The following SLC9C1 variants were observed in gnomAD, a reference collection of about 807,000 sequenced individuals.
SLC9C1 encodes solute carrier family 9 member C1, also known as sodium/hydrogen exchanger 10.
A neutral mutation model predicts 140.9 loss-of-function variants in SLC9C1; 97 were observed. That is an observed-to-expected ratio of 0.69 (90% CI 0.58 to 0.82). The LOEUF (loss-of-function observed/expected upper bound fraction) is 0.82. Ranked by LOEUF, SLC9C1 falls within the 40% of genes least tolerant of loss-of-function variation. SLC9C1 has a pLI of 0.00. For synonymous variants in SLC9C1, 440 were observed against 442.6 expected (o/e 0.99, Z 0.07); for missense variants, 1,340 against 1,389.3 (o/e 0.96, Z 0.56).
At chr3:112,288,007 C>A (rs1161827401) in intron 1 of SLC9C1, among the ~76,000 whole-genome samples, 3 of 124,596 alleles carry the variant, frequency 2.4e-5, no homozygotes, top group Non-Finnish European at 4.8e-5. Flanking sequence ...CGTGCCACTG[C>A]ACTCCAGCTT....
At chr3:112,215,127 G>A (rs1203693369) in intron 15 of SLC9C1, among the ~76,000 whole-genome samples, 1 of 152,164 alleles carries the variant, frequency 6.6e-6, no homozygotes, top group African/African-American at 2.4e-5. Flanking sequence ...TATCTCAATA[G>A]ATGCAGAAAA....
At chr3:112,238,718 T>A (rs2079060037) in intron 12 of SLC9C1, among the ~76,000 whole-genome samples, 1 of 152,116 alleles carries the variant, frequency 6.6e-6, no homozygotes, top group Admixed American at 6.6e-5. Context: ...TTGCTGGAGG[T>A]CCACTCCAGA....
intron 13 of SLC9C1, among the ~76,000 whole-genome samples, chr3:112,229,965 T>C (rs2078777945): frequency 6.6e-6 from 1 of 152,168 alleles, no homozygotes; most frequent in African/African-American, 2.4e-5. Context: ...ATATAGCAGA[T>C]TATATATACT....
chr3:112,257,397 A>G (rs2079638599), intron 10 of SLC9C1, among the ~76,000 whole-genome samples: 1 of 152,134 alleles, frequency 6.6e-6, no homozygotes, highest in Non-Finnish European at 1.5e-5. Context: ...ATAAGGCTGC[A>G]CACCTACAAC....
chr3:112,217,583 T>G lies in SLC9C1; in HGVS notation c.1671-22A>C, dbSNP rs556240291. The G allele has an allele frequency of 2.6e-6, 4 of 1,554,014 alleles. No homozygotes were observed. The South Asian group carries it at 4.9e-5, about 19-fold the overall frequency. On this transcript the variant is annotated intron_variant, in intron 14 of 28. Coordinates refer to ENST00000305815, the MANE Select transcript of SLC9C1 (RefSeq NM_183061.3). ...ACATCTAGAAAAAGAGAGAAATCTTTAAACATGCTTTAAACATTTTGAGAT... is the reference window on the plus strand; with the variant it reads ...ACATCTAGAAAAAGAGAGAAATCTTGAAACATGCTTTAAACATTTTGAGAT...
intron 20 of SLC9C1, among the ~76,000 whole-genome samples, chr3:112,186,947 A>G (rs566450710): frequency 6.6e-6 from 1 of 152,206 alleles, no homozygotes; most frequent in African/African-American, 2.4e-5. Flanking sequence ...GGCATTCTAA[A>G]TGGCATTGCT....
intron 12 of SLC9C1, among the ~76,000 whole-genome samples, chr3:112,234,326 G>A (rs1267062768): frequency 6.6e-6 from 1 of 151,798 alleles, no homozygotes; most frequent in Non-Finnish European, 1.5e-5. Context: ...TTTTGATGGG[G>A]TTGTTTTTAC....
chr3:112,213,013 A>G (rs1425433937), intron 15 of SLC9C1, among the ~76,000 whole-genome samples: 1 of 152,262 alleles, frequency 6.6e-6, no homozygotes, highest in Non-Finnish European at 1.5e-5. Context: ...ATCTCTCAGC[A>G]GAAACTCTAC....
At chr3:112,169,434 T>A in intron 23 of SLC9C1, 106 bp from the exon 24 acceptor site, 1 of 1,069,014 alleles carries the variant, frequency 9.4e-7, no homozygotes, top group South Asian at 2.3e-5. Flanking sequence ...TTTAATTAGG[T>A]AAGATTCACA....
At chr3:112,148,808 T>A (rs540371881) in intron 28 of SLC9C1, among the ~76,000 whole-genome samples, 93 of 152,312 alleles carry the variant, frequency 6.1e-4, no homozygotes, top group Non-Finnish European at 1.1e-3. Context: ...GGCAGGTCTG[T>A]CTGCAGGTCT....
chr3:112,266,055 G>T (rs4682097), intron 8 of SLC9C1, among the ~76,000 whole-genome samples, 183 bp downstream of exon 8: 89,836 of 151,748 alleles, frequency 0.59, 27,106 homozygotes, highest in East Asian at 0.79. Flanking sequence ...TTACGAATTT[G>T]CTTTAAATTG....
In SLC9C1 at chr3:112,169,146, A is replaced by G. The variant is rs772601922; in HGVS notation, c.3051+51T>C. ...ATAAATAGTCAATTATAATGTTTTA[A>G]TGCCATTCCATTCAAAGAAAGAAAG... On this transcript the variant is annotated intron_variant, in intron 24 of 28. Transcript: ENST00000305815. 1.4e-5 allele frequency: 22 copies of G among 1,595,352 alleles called. No homozygotes were observed. The Admixed American group carries it at 3.9e-4, about 28-fold the overall frequency.
intron 2 of SLC9C1, among the ~76,000 whole-genome samples, chr3:112,281,202 A>C (rs912703837): frequency 4.6e-5 from 7 of 152,200 alleles, no homozygotes; most frequent in Non-Finnish European, 1.0e-4. Flanking sequence ...CTAGTTGTGG[A>C]ATAGTGGGTT....
At chr3:112,273,572 G>A (rs1245616770) in intron 6 of SLC9C1, among the ~76,000 whole-genome samples, 1 of 152,104 alleles carries the variant, frequency 6.6e-6, no homozygotes, top group African/African-American at 2.4e-5. Context: ...AGGGGTGAGG[G>A]GGTGGTGGTC....
chr3:112,254,801 C>T (rs1203230545), intron 10 of SLC9C1, among the ~76,000 whole-genome samples: 1 of 152,086 alleles, frequency 6.6e-6, no homozygotes, highest in Admixed American at 6.6e-5. Flanking sequence ...GAGCAGCAAG[C>T]TGGATAAAGA....
intron 1 of SLC9C1, among the ~76,000 whole-genome samples, chr3:112,291,442 T>C (rs528413490): frequency 1.4e-4 from 21 of 151,934 alleles, no homozygotes; most frequent in African/African-American, 4.6e-4. Flanking sequence ...ACCAGCCCCA[T>C]TAAAAAGTAG....
intron 1 of SLC9C1, 98 bp from the exon 2 acceptor site, chr3:112,286,976 C>T (rs1175744785): frequency 1.6e-5 from 7 of 449,290 alleles, no homozygotes; most frequent in East Asian, 3.7e-5. Context: ...AGTGATTTCT[C>T]GTGGTCTGCC....
rs2078181370 is a variant in SLC9C1 at position 112,210,837 on chromosome 3, T to A, written c.1791-2464A>T. On this transcript the variant is annotated intron_variant, in intron 15 of 28. Transcript: ENST00000305815. The stretch of plus-strand genomic sequence containing the variant: ...GTGGCTACCACCCACTTCAAAGCTT[T>A]AAATCAATTGTAAAGACAGGAAAAA... Among the ~76,000 whole-genome samples the A allele has an allele frequency of 2.0e-5, 3 of 152,180 alleles. No individual in the cohort carries two copies. The South Asian group carries it at 6.2e-4, about 31-fold the overall frequency.
At chr3:112,214,659 G>C (rs546935844) in intron 15 of SLC9C1, among the ~76,000 whole-genome samples, 7 of 152,264 alleles carry the variant, frequency 4.6e-5, no homozygotes, top group Admixed American at 1.3e-4. Context: ...ACTAAACCAG[G>C]AAGAATTTGA....
Sources: gnomAD v4.1 joint callset for allele counts (sites outside exome capture counted in the v4.1 genomes callset) on GRCh38, gnomAD v4.1.1 for gene constraint, MANE v1.5 for transcripts, NCBI Gene and HGNC (gene_info 2026-07-23, HGNC 2026-07-21) for gene names.